Variants in NAALADL2 observed in about 807,000 individuals in gnomAD.
NAALADL2 encodes inactive N-acetylated-alpha-linked acidic dipeptidase-like protein 2.
Under a neutral mutation model 87.2 loss-of-function variants are expected in NAALADL2, and 76 were observed. The ratio of observed to expected loss-of-function variants is 0.87; its 90% CI spans 0.72 to 1.05. The LOEUF is 1.05. Among genes scored for constraint, NAALADL2 ranks in the 50% least tolerant of loss-of-function variants. The pLI is 0.00. For synonymous variants in NAALADL2, 354 were observed against 331.0 expected (o/e 1.07, Z -0.75); for missense variants, 1,089 against 945.8 (o/e 1.15, Z -1.99).
intron 2 of NAALADL2, among the ~76,000 whole-genome samples, chr3:175,129,357 G>A (rs1036886715): frequency 4.6e-5 from 7 of 152,054 alleles, no homozygotes; most frequent in Admixed American, 1.3e-4. Context: ...TAAACAGTAC[G>A]TTATTAACTA....
At chr3:174,982,714 A>C (rs1170373593) in intron 1 of NAALADL2, among the ~76,000 whole-genome samples, 2 of 152,224 alleles carry the variant, frequency 1.3e-5, no homozygotes, top group Non-Finnish European at 2.9e-5. Flanking sequence ...GTGCTGTTGG[A>C]GAATTGATCA....
chr3:175,059,987 G>C, intron 1 of NAALADL2: 3 of 435,474 alleles, frequency 6.9e-6, no homozygotes, highest in South Asian at 5.5e-5. Context: ...TAATCATTGA[G>C]CACATGGAGG....
chr3:175,576,902 G>C (rs1259536159), intron 10 of NAALADL2, among the ~76,000 whole-genome samples: 3 of 152,086 alleles, frequency 2.0e-5, no homozygotes, highest in Non-Finnish European at 4.4e-5. Context: ...CAAAATAATG[G>C]CTGGAAAGTA....
chr3:175,186,128 C>A (rs375953436), intron 2 of NAALADL2, among the ~76,000 whole-genome samples: 1 of 152,006 alleles, frequency 6.6e-6, no homozygotes, highest in Non-Finnish European at 1.5e-5. Context: ...AATATTTGAC[C>A]ACTTGAGTGA....
At chr3:175,048,217 C>T (rs1754916360) in intron 1 of NAALADL2, among the ~76,000 whole-genome samples, 1 of 151,936 alleles carries the variant, frequency 6.6e-6, no homozygotes, top group Non-Finnish European at 1.5e-5. Flanking sequence ...GATTTTTGTT[C>T]AAATGAGGGA....
At chr3:175,309,150 C>T (rs1169203984) in intron 4 of NAALADL2, among the ~76,000 whole-genome samples, 2 of 151,826 alleles carry the variant, frequency 1.3e-5, no homozygotes, top group Admixed American at 6.6e-5. Flanking sequence ...AATTTATTTC[C>T]CTGATTGGTA....
intron 3 of NAALADL2, among the ~76,000 whole-genome samples, chr3:174,785,667 A>G (rs1003077393): frequency 1.4e-4 from 21 of 152,154 alleles, no homozygotes; most frequent in African/African-American, 4.6e-4. Flanking sequence ...TTGTGTTGCT[A>G]CATTTCAATT....
At chr3:174,858,982 T>C (rs958558960), upstream of NAALADL2, among the ~76,000 whole-genome samples, 1 of 152,108 alleles carries the variant, frequency 6.6e-6, no homozygotes, top group Non-Finnish European at 1.5e-5. Flanking sequence ...AAATGTCGTG[T>C]AATACACTTT....
At chr3:175,016,174 A>G (rs547788985) in intron 1 of NAALADL2, among the ~76,000 whole-genome samples, 6 of 149,970 alleles carry the variant, frequency 4.0e-5, no homozygotes, top group African/African-American at 1.5e-4. Flanking sequence ...AAATCATACT[A>G]TTTTCCACTC....
At chr3:174,741,173 G>A (rs1733724549) in intron 3 of NAALADL2, among the ~76,000 whole-genome samples, 1 of 151,618 alleles carries the variant, frequency 6.6e-6, no homozygotes, top group Admixed American at 6.6e-5. Context: ...TCCAAATACA[G>A]AAGAAAATAC....
At chr3:175,484,985 GTT>G (rs1727043125) in intron 9 of NAALADL2, among the ~76,000 whole-genome samples, 1 of 152,116 alleles carries the variant, frequency 6.6e-6, no homozygotes, top group Non-Finnish European at 1.5e-5. Flanking sequence ...AACTGTATTG[GTT>G]AAGAATGGGT....
In NAALADL2 at chr3:175,259,969, A is replaced by C. The variant is rs576631400; in HGVS notation, c.939+3439A>C. Among the ~76,000 whole-genome samples the C allele has an allele frequency of 9.2e-5, 14 of 152,174 alleles. 1 individual carries two copies. In the South Asian group the frequency reaches 2.9e-3, roughly 32 times the overall value. Reference sequence around the variant, plus strand: ...CTTGAACCCGGGAGGTGGAGGTTGTAGTGAGCCAGGATTTCACCACTGCAC... The same window carrying C: ...CTTGAACCCGGGAGGTGGAGGTTGTCGTGAGCCAGGATTTCACCACTGCAC... On this transcript the variant is annotated intron_variant, in intron 4 of 13. Transcript: ENST00000454872.
chr3:175,723,210 C>T (rs552595233), intron 11 of NAALADL2, among the ~76,000 whole-genome samples: 12 of 152,010 alleles, frequency 7.9e-5, no homozygotes, highest in African/African-American at 1.7e-4. Flanking sequence ...CTTCAGGTTC[C>T]GGAAAATAGT....
rs1430629431 is a variant in NAALADL2, at chr3:175,804,914, AACT to A, written c.*1714_*1716del. 1 of 151,966 alleles carries A rather than the reference AACT, an allele frequency of 6.6e-6. No individual in the cohort carries two copies. Among genetic ancestry groups the A allele is most frequent in the Non-Finnish European group, 1.5e-5 (1 of 67,892 alleles). 9.4% of individuals were successfully genotyped at this position (151,966 alleles called of 1,614,324 possible). A position where few individuals can be genotyped will look rare whatever the true frequency, so the allele number is the denominator to read the frequency against. The stretch of plus-strand genomic sequence containing the variant: ...GCACATATTTTTAGATGAAAAATGA[AACT>A]ACCTTACAATATTATTTTTTTAACC... On this transcript the variant is annotated 3_prime_UTR_variant, in exon 14 of 14. Coordinates refer to ENST00000454872, the MANE Select transcript of NAALADL2 (RefSeq NM_207015.3).
At chr3:174,887,530 C>T (rs551475165) in intron 1 of NAALADL2, among the ~76,000 whole-genome samples, 33 of 152,182 alleles carry the variant, frequency 2.2e-4, no homozygotes, top group African/African-American at 6.5e-4. Flanking sequence ...CATGGTGGCT[C>T]ACATCCATAA....
chr3:175,300,850 C>G (rs1756998862), intron 4 of NAALADL2, among the ~76,000 whole-genome samples: 1 of 151,156 alleles, frequency 6.6e-6, no homozygotes, highest in Non-Finnish European at 1.5e-5. Flanking sequence ...TCAAGAGATT[C>G]CTCTGCCAAA....
Position 175,787,159 on chromosome 3 carries a change from CTT to C in NAALADL2, c.2190-15842_2190-15841del, listed in dbSNP as rs1302347282. ...TTAAGTCTGCAGAAGTTACTGCTGT[CTT>C]TTTGTTTGTCTGTGCCCTGCCCCCA... On this transcript the variant is annotated intron_variant, in intron 13 of 13. Transcript: ENST00000454872. Among the ~76,000 whole-genome samples, 64 of 152,180 alleles carry C rather than the reference CTT, an allele frequency of 4.2e-4. 1 individual carries two copies.
intron 1 of NAALADL2, among the ~76,000 whole-genome samples, chr3:174,964,115 C>A (rs1742534913): frequency 6.6e-6 from 1 of 151,826 alleles, no homozygotes; most frequent in Non-Finnish European, 1.5e-5. Context: ...AATGATTCAA[C>A]CTTTCTTTCT....
intron 2 of NAALADL2, among the ~76,000 whole-genome samples, chr3:174,618,523 C>T (rs1416862233): frequency 1.3e-5 from 2 of 151,526 alleles, no homozygotes; most frequent in Admixed American, 1.3e-4. Flanking sequence ...TATTTCCTGC[C>T]CTAGAGTACA....
Sources: gnomAD v4.1 joint callset for allele counts (sites outside exome capture counted in the v4.1 genomes callset) on GRCh38, gnomAD v4.1.1 for gene constraint, MANE v1.5 for transcripts, NCBI Gene and HGNC (gene_info 2026-07-23, HGNC 2026-07-21) for gene names.